TRIO: variants seen among roughly 807,000 people sequenced by gnomAD.
TRIO encodes the protein trio Rho guanine nucleotide exchange factor, also known as triple functional domain protein.
TRIO carries 58 observed loss-of-function variants against 351.9 expected under a neutral mutation model. That is an observed-to-expected ratio of 0.16 (90% CI 0.13 to 0.21). TRIO has a LOEUF of 0.21. Ranked by LOEUF, TRIO falls within the 10% of genes least tolerant of loss-of-function variation. The pLI, the probability that TRIO is intolerant of heterozygous loss-of-function variation, is 1.00. For missense variants in TRIO, 3,201 were observed against 4,027.8 expected, an observed-to-expected ratio of 0.79 and a Z score of 5.56; for synonymous variants, 1,758 against 1,595.7, an observed-to-expected ratio of 1.10 and a Z score of -2.42.
intron 47 of TRIO, among the ~76,000 whole-genome samples, chr5:14,486,862 G>C (rs1755953399): frequency 6.6e-6 from 1 of 152,034 alleles, no homozygotes; most frequent in South Asian, 2.1e-4. Flanking sequence ...GGGGCTGGGG[G>C]GCTGCATCTG....
At chr5:14,312,909 C>T (rs2152302981) in intron 8 of TRIO, among the ~76,000 whole-genome samples, 1 of 152,262 alleles carries the variant, frequency 6.6e-6, no homozygotes, top group South Asian at 2.1e-4. Context: ...CATGTTGTTT[C>T]CACATAATAT....
intron 1 of TRIO, among the ~76,000 whole-genome samples, chr5:14,265,888 T>C (rs1795641731): frequency 6.6e-6 from 1 of 152,192 alleles, no homozygotes; most frequent in Non-Finnish European, 1.5e-5. Flanking sequence ...ATATAAATCA[T>C]ACTATGATTG....
intron 1 of TRIO, among the ~76,000 whole-genome samples, chr5:14,257,118 G>A (rs1463051864): frequency 6.6e-6 from 1 of 152,350 alleles, no homozygotes; most frequent in Middle Eastern, 3.4e-3. Flanking sequence ...GGTGGAAGCC[G>A]AAGATGGGAG....
At chr5:14,360,356 C>T (rs567578587) in intron 13 of TRIO, among the ~76,000 whole-genome samples, 2 of 152,254 alleles carry the variant, frequency 1.3e-5, no homozygotes, top group South Asian at 2.1e-4. Flanking sequence ...CACATGAGCA[C>T]GAATTTACCT....
rs1221149166 is a variant in TRIO, at chr5:14,286,762, C to T, written c.348-109C>T. 21 of 1,144,698 alleles carry T rather than the reference C, an allele frequency of 1.8e-5. No homozygotes were observed. Among genetic ancestry groups the T allele is most frequent in the Non-Finnish European group, 2.6e-5 (21 of 809,606 alleles). The allele number at this position is 1,144,698 out of a possible 1,614,324, so 70.9% of individuals were successfully genotyped here. A position where few individuals can be genotyped will look rare whatever the true frequency, so the allele number is the denominator to read the frequency against. ...GTGTGCTCCTTCCCCTGCCTCCGCA[C>T]GTGTCCAGCAGGGGAGGGAAGCTGG... On this transcript the variant is annotated intron_variant, in intron 3 of 56. Coordinates refer to ENST00000344204, the MANE Select transcript of TRIO (RefSeq NM_007118.4). This position sits in a 1 kb window ranked among gnomAD's most constrained non-coding sequence, Gnocchi z 4.4.
chr5:14,390,407 C>A (rs1303526347), intron 26 of TRIO, 107 bp downstream of exon 26: 8 of 1,011,396 alleles, frequency 7.9e-6, no homozygotes, highest in Admixed American at 7.0e-5. Context: ...CTGCTCATAT[C>A]CATGCTTGCG....
chr5:14,483,134 C>T (rs1430782982), intron 46 of TRIO, among the ~76,000 whole-genome samples: 1 of 152,200 alleles, frequency 6.6e-6, no homozygotes, highest in Admixed American at 6.5e-5. Context: ...TCGGTGTCTT[C>T]TTCTCTTCCT....
At chr5:14,218,935 T>C (rs1055820717) in intron 1 of TRIO, among the ~76,000 whole-genome samples, 8 of 152,230 alleles carry the variant, frequency 5.3e-5, no homozygotes, top group African/African-American at 1.9e-4. Flanking sequence ...CTTCTCCGGC[T>C]CTTACTGAGC....
At chr5:14,392,134 T>C (rs1213115544) in intron 27 of TRIO, among the ~76,000 whole-genome samples, 1 of 151,846 alleles carries the variant, frequency 6.6e-6, no homozygotes, top group Non-Finnish European at 1.5e-5. Context: ...TAAACTATCA[T>C]CAGAGTGAAC....
At chr5:14,233,316 TAAAAAAA>T (rs35925373) in intron 1 of TRIO, among the ~76,000 whole-genome samples, 3 of 109,212 alleles carry the variant, frequency 2.7e-5, no homozygotes, top group South Asian at 3.3e-4. Flanking sequence ...CCTCGTCTCT[TAAAAAAA>T]AAAAAAAAAA....
intron 34 of TRIO, among the ~76,000 whole-genome samples, chr5:14,437,969 C>T (rs779328457): frequency 3.3e-5 from 5 of 152,164 alleles, no homozygotes; most frequent in African/African-American, 4.8e-5. Context: ...CAGAGACAAA[C>T]GTTATGTCCT....
At chr5:14,471,919 A>G (rs1579755242) in intron 38 of TRIO, among the ~76,000 whole-genome samples, 2 of 136,540 alleles carry the variant, frequency 1.5e-5, no homozygotes, top group African/African-American at 3.1e-5. Flanking sequence ...TTGGAGAAGG[A>G]AAAAAAAAAA....
At chr5:14,208,046 C>T (rs901521927) in intron 1 of TRIO, among the ~76,000 whole-genome samples, 2 of 152,116 alleles carry the variant, frequency 1.3e-5, no homozygotes, top group Non-Finnish European at 2.9e-5. Context: ...AAACCAAAAC[C>T]CTCATAAATT....
chr5:14,239,033 G>A (rs759643968), intron 1 of TRIO, among the ~76,000 whole-genome samples: 34 of 152,184 alleles, frequency 2.2e-4, no homozygotes, highest in Non-Finnish European at 2.2e-4. Flanking sequence ...TTCCATACAC[G>A]ATGGTAAGAG....
At position 14,508,542 on chromosome 5, in the gene TRIO, G is replaced by A. The variant is rs1757877842; in HGVS notation, c.*120G>A. The A allele has an allele frequency of 1.5e-6, 2 of 1,300,368 alleles. No individual in the cohort carries two copies. The highest frequency in any genetic ancestry group is 1.1e-6 in the Non-Finnish European group (1 of 948,718). 80.6% of individuals were successfully genotyped at this position (1,300,368 alleles called of 1,614,324 possible). ...GCCGGTATGTTCATCGTGTGAAATT[G>A]CATTCCAAGTGAGCTGTGCTCAGCA... is the stretch of plus-strand genomic sequence containing the variant. On this transcript the variant is annotated 3_prime_UTR_variant, in exon 57 of 57. Transcript: ENST00000344204.
At chr5:14,268,852 G>C (rs1247028005) in intron 1 of TRIO, among the ~76,000 whole-genome samples, 1 of 152,152 alleles carries the variant, frequency 6.6e-6, no homozygotes, top group Non-Finnish European at 1.5e-5. Flanking sequence ...CTGTGTCCAC[G>C]GCAGCCACGG....
In TRIO at chr5:14,167,117, G is replaced by A. The variant is rs116573133; in HGVS notation, c.157+23235G>A. Among the ~76,000 whole-genome samples the A allele has an allele frequency of 4.8e-4, 72 of 151,402 alleles. 1 individual carries two copies. Among genetic ancestry groups the A allele is most frequent in the African/African-American group, 1.7e-3 (70 of 41,190 alleles). On this transcript the variant is annotated intron_variant, in intron 1 of 56. Coordinates refer to ENST00000344204, the MANE Select transcript of TRIO (RefSeq NM_007118.4). ...TGATCAGTCAATGGAGGGTGAAGAA[G>A]CATCCATTATCAGGTTTCCTTTGAG...
intron 1 of TRIO, among the ~76,000 whole-genome samples, chr5:14,268,975 C>G (rs1795843204): frequency 6.6e-6 from 1 of 152,166 alleles, no homozygotes; most frequent in East Asian, 1.9e-4. Flanking sequence ...GATGAAATTG[C>G]AGAACTCTTG....
chr5:14,256,097 G>C (rs1210102609), intron 1 of TRIO, among the ~76,000 whole-genome samples: 1 of 152,212 alleles, frequency 6.6e-6, no homozygotes, highest in Non-Finnish European at 1.5e-5. Flanking sequence ...TGTTCTGCAG[G>C]CTGTGTAGGA....
Sources: gnomAD v4.1 joint callset for allele counts (sites outside exome capture counted in the v4.1 genomes callset) on GRCh38, gnomAD v4.1.1 for gene constraint, Gnocchi (gnomAD v3.1) non-coding constraint, MANE v1.5 for transcripts, NCBI Gene and HGNC (gene_info 2026-07-23, HGNC 2026-07-21) for gene names.